CDC25B: variants seen among roughly 807,000 people sequenced by gnomAD.
CDC25B encodes the protein M-phase inducer phosphatase 2.
CDC25B carries 33 observed loss-of-function variants against 69.8 expected under a neutral mutation model. The observed-to-expected ratio is 0.47, with a 90% CI of 0.36 to 0.63. The LOEUF (loss-of-function observed/expected upper bound fraction) is 0.63. Among genes scored for constraint, CDC25B ranks in the 30% least tolerant of loss-of-function variants. CDC25B has a pLI of 0.00. For missense variants in CDC25B, 727 were observed against 809.1 expected (o/e 0.90, Z 1.23); for synonymous variants, 341 against 314.6 (o/e 1.08, Z -0.89).
chr20:3,801,497 A>C, intron 8 of CDC25B, 109 bp downstream of exon 8: 1 of 1,364,304 alleles, frequency 7.3e-7, no homozygotes, highest in Non-Finnish European at 1.0e-6. Flanking sequence ...CCAGTGTCAG[A>C]AGAAGAATCT....
At chr20:3,789,988 CAA>C (rs58844468) in intron 1 of CDC25B, among the ~76,000 whole-genome samples, 6 of 135,828 alleles carry the variant, frequency 4.4e-5, no homozygotes, top group African/African-American at 2.7e-5. Flanking sequence ...GACTCTGTCT[CAA>C]AAAAAAAAAA....
chr20:3,800,345 C>T lies in CDC25B; in HGVS notation c.422+16C>T. ...TCATTCGAAAGTAAGTGTTCCTGGGCCTCTTCCATCTACCACAAGCTTTCC... is the reference window on the plus strand; with the variant it reads ...TCATTCGAAAGTAAGTGTTCCTGGGTCTCTTCCATCTACCACAAGCTTTCC... On this transcript the variant is annotated intron_variant, in intron 4 of 15. Coordinates refer to ENST00000245960, the MANE Select transcript of CDC25B (RefSeq NM_021873.4). 6.2e-7 allele frequency: 1 copy of T among 1,614,078 alleles called. No homozygotes were observed. The highest frequency in any genetic ancestry group is 8.5e-7 in the Non-Finnish European group (1 of 1,179,950).
At chr20:3,802,129 T>C (rs896260228) in intron 10 of CDC25B, 29 bp downstream of exon 10, 1 of 1,541,080 alleles carries the variant, frequency 6.5e-7, no homozygotes, top group Non-Finnish European at 8.8e-7. Context: ...GGGTTCACTT[T>C]GGCATGCACC....
rs1387362431 is a variant in CDC25B at position 3,800,784 on chromosome 20, C to T, written c.501C>T (p.Thr167=). The change falls in exon 6 of 16, where the codon ACC becomes ACT. Residue 167 remains threonine (T), a synonymous_variant. Transcript: ENST00000245960. The part of the protein sequence containing the change: ...LGHSPVLRNI[T]NSQAPDGRRK... Reference sequence around the variant, plus strand: ...ACAGCCCCGTGCTTCGGAACATCACCAACTCCCAGGCGCCCGACGGCCGGA... The same window carrying T: ...ACAGCCCCGTGCTTCGGAACATCACTAACTCCCAGGCGCCCGACGGCCGGA... 6.2e-7 allele frequency: 1 copy of T among 1,612,202 alleles called. No individual in the cohort carries two copies. The highest frequency in any genetic ancestry group is 8.5e-7 in the Non-Finnish European group (1 of 1,180,022).
chr20:3,792,490 G>A (rs141050054), upstream of CDC25B, among the ~76,000 whole-genome samples: 70 of 151,446 alleles, frequency 4.6e-4, no homozygotes, highest in African/African-American at 9.9e-4. Context: ...TTTTTGAGAC[G>A]GAGTCTTGCT....
At chr20:3,793,455 TCAAA>T (rs202000944), upstream of CDC25B, among the ~76,000 whole-genome samples, 8,471 of 151,214 alleles carry the variant, frequency 0.056, 273 homozygotes, top group Non-Finnish European at 0.071. Flanking sequence ...AGACTCCATC[TCAAA>T]CAAACAAACA....
rs1168335125 is a variant in CDC25B at position 3,796,738 on chromosome 20, C to T, written c.200+7C>T. ...ACCTCGCCGGGCTCGGCAGGTAGGA[C>T]ACCCCAAGGAGGCTGCATATGGGGG... is the stretch of plus-strand genomic sequence containing the variant. On this transcript the variant is annotated splice_region_variant and intron_variant, in intron 1 of 15. Transcript: ENST00000245960. 2 of 1,561,448 alleles carry T rather than the reference C, an allele frequency of 1.3e-6. No individual in the cohort carries two copies. Among genetic ancestry groups the T allele is most frequent in the African/African-American group, 1.4e-5 (1 of 72,120 alleles).
upstream of CDC25B, among the ~76,000 whole-genome samples, chr20:3,794,551 C>T (rs1246719817): frequency 1.3e-5 from 2 of 151,732 alleles, no homozygotes; most frequent in Admixed American, 6.6e-5. Context: ...GGTGGCTTTA[C>T]AAGGACACTT....
In CDC25B at chr20:3,800,297, G is replaced by C; in HGVS notation, c.390G>C (p.Gln130His). The C allele has an allele frequency of 6.2e-7, 1 of 1,614,104 alleles. No homozygotes were observed. Among genetic ancestry groups the C allele is most frequent in the Non-Finnish European group, 8.5e-7 (1 of 1,180,006 alleles). ...CCCTTCTCTGTCCTAGGTTTGAACAGGCCATCCAGGCAGCCAGCCGGATCA... is the reference window on the plus strand; with the variant it reads ...CCCTTCTCTGTCCTAGGTTTGAACACGCCATCCAGGCAGCCAGCCGGATCA... Reference protein sequence around the residue: ...DPHMAEQTFEQAIQAASRIIR... With the variant: ...DPHMAEQTFEHAIQAASRIIR... Residue 130 changes from glutamine (Q) to histidine (H), a missense_variant, in exon 4 of 16, where the codon CAG becomes CAC. Gln to His is a conservative substitution (Grantham distance 24). Coordinates refer to ENST00000245960, the MANE Select transcript of CDC25B (RefSeq NM_021873.4).
intron 15 of CDC25B, 49 bp downstream of exon 15, chr20:3,804,729 C>G (rs1329635689): frequency 6.3e-7 from 1 of 1,592,944 alleles, no homozygotes; most frequent in Admixed American, 1.7e-5. Flanking sequence ...GTTGGCTTGG[C>G]CAGGCTGGAG....
In CDC25B at chr20:3,803,736, CA is replaced by C. The variant is rs1728603522; in HGVS notation, c.1490+201del. Among the ~76,000 whole-genome samples, 1 of 152,188 alleles carries C rather than the reference CA, an allele frequency of 6.6e-6. No homozygotes were observed. The highest frequency in any genetic ancestry group is 2.4e-5 in the African/African-American group (1 of 41,456). ...CCATCTCCCTCACTGTCCTGCCTAT[CA>C]AGCCTCATGTCCACCCCACATCCAT... is the stretch of plus-strand genomic sequence containing the variant. On this transcript the variant is annotated intron_variant, in intron 14 of 15. Transcript: ENST00000245960. This position sits in a 1 kb window ranked among gnomAD's most constrained non-coding sequence, Gnocchi z 4.9.
chr20:3,796,856 T>C (rs2089074848), intron 1 of CDC25B, 125 bp downstream of exon 1: 1 of 1,269,744 alleles, frequency 7.9e-7, no homozygotes, highest in Admixed American at 2.8e-5. Context: ...TCCTGAGCAG[T>C]GGAGAGGTAC....
rs11552106 is a variant in CDC25B at position 3,800,796 on chromosome 20, G to C, written c.513G>C (p.Ala171=). 2.2e-5 allele frequency: 36 copies of C among 1,612,454 alleles called. No homozygotes were observed. The highest frequency in any genetic ancestry group is 2.9e-5 in the Non-Finnish European group (34 of 1,180,034). ...PVLRNITNSQ[A]PDGRRKSEAG... ...TTCGGAACATCACCAACTCCCAGGC[G>C]CCCGACGGCCGGAGGAAGAGCGAGG... The change falls in exon 6 of 16, where the codon GCG becomes GCC. Residue 171 remains alanine, a synonymous_variant. Transcript: ENST00000245960.
rs908596904 is a variant in CDC25B at position 3,796,429 on chromosome 20, C to CT, written c.-103_-102insT. 1 of 329,020 alleles carries CT rather than the reference C, an allele frequency of 3.0e-6. No individual in the cohort carries two copies. The highest frequency in any genetic ancestry group is 2.7e-5 in the African/African-American group (1 of 37,676). 20.4% of individuals were successfully genotyped at this position (329,020 alleles called of 1,614,324 possible). On this transcript the variant is annotated 5_prime_UTR_variant, in exon 1 of 16. Coordinates refer to ENST00000245960, the MANE Select transcript of CDC25B (RefSeq NM_021873.4). Reference sequence around the variant, plus strand: ...CCTCCCTCCCTCCTTCCCCCCCCCCCCACCCCTCGCCCGCTGCCTCCCTCG... The same window carrying CT: ...CCTCCCTCCCTCCTTCCCCCCCCCCCTCACCCCTCGCCCGCTGCCTCCCTCG...
intron 3 of CDC25B, among the ~76,000 whole-genome samples, chr20:3,799,822 AC>A (rs1487116790): frequency 6.6e-6 from 1 of 152,106 alleles, no homozygotes; most frequent in Non-Finnish European, 1.5e-5. Context: ...CCAGCTCCTC[AC>A]AGGGGAGAGG....
chr20:3,788,802 CTTCT>C (rs1035846784), intron 1 of CDC25B, among the ~76,000 whole-genome samples: 28 of 144,888 alleles, frequency 1.9e-4, no homozygotes, highest in African/African-American at 6.4e-4. Flanking sequence ...CCTTCCTTTC[CTTCT>C]TTCTTTCCTT....
intron 1 of CDC25B, 113 bp from the exon 2 acceptor site, chr20:3,797,509 G>A (rs2089102336): frequency 2.9e-6 from 4 of 1,366,310 alleles, no homozygotes; most frequent in Non-Finnish European, 4.0e-6. Context: ...TGCTTTCCCG[G>A]TGTAGTGTTT....
exon 1 of CDC25B, chr20:3,787,003 A>G (rs978063968): frequency 7.2e-6 from 4 of 557,882 alleles, no homozygotes; most frequent in Non-Finnish European, 1.3e-5. Context: ...TGCTGCTCAA[A>G]AAGAATAAGA....
At chr20:3,790,929 C>G (rs952210113) in intron 1 of CDC25B, among the ~76,000 whole-genome samples, 3 of 152,062 alleles carry the variant, frequency 2.0e-5, no homozygotes, top group African/African-American at 7.2e-5. Flanking sequence ...TGGTCTCGAA[C>G]TCCTGAGCTC....
Sources: gnomAD v4.1 joint callset for allele counts (sites outside exome capture counted in the v4.1 genomes callset) on GRCh38, gnomAD v4.1.1 for gene constraint, Gnocchi (gnomAD v3.1) non-coding constraint, MANE v1.5 for transcripts, NCBI Gene and HGNC (gene_info 2026-07-23, HGNC 2026-07-21) for gene names.